The following ANKRD11 variants were observed in gnomAD, a reference collection of about 807,000 sequenced individuals.
ANKRD11 encodes the protein ankyrin repeat domain-containing protein 11.
In ANKRD11, 17 loss-of-function variants were observed where a neutral mutation model predicts 195.7. The observed-to-expected ratio is 0.09, with a 90% CI of 0.06 to 0.13. The LOEUF is 0.13. Among genes scored for constraint, ANKRD11 ranks in the 10% least tolerant of loss-of-function variants. The probability of loss-of-function intolerance (pLI) is 1.00; values close to 1 mark genes in which losing one functional copy is unlikely to be tolerated. For synonymous variants in ANKRD11, 1,953 were observed against 1,528.1 expected, an observed-to-expected ratio of 1.28 and a Z score of -6.49; for missense variants, 3,735 against 3,566.1, an observed-to-expected ratio of 1.05 and a Z score of -1.21.
chr16:89,466,201 C>T (rs2056878860), intron 1 of ANKRD11, among the ~76,000 whole-genome samples: 1 of 152,062 alleles, frequency 6.6e-6, no homozygotes, highest in African/African-American at 2.4e-5. Flanking sequence ...GAGCCCCCAC[C>T]TGCTGACAGT....
rs564899186 is a variant in ANKRD11, at chr16:89,323,865, C to T, written c.-59-6787G>A. 6.5e-5 allele frequency: 14 copies of T among 216,666 alleles called. No individual in the cohort carries two copies. The East Asian group carries it at 1.4e-3, about 21-fold the overall frequency. The allele number at this position is 216,666 out of a possible 1,614,324, so 13.4% of individuals were successfully genotyped here. A position where few individuals can be genotyped will look rare whatever the true frequency, so the allele number is the denominator to read the frequency against. On this transcript the variant is annotated intron_variant, in intron 2 of 12. Transcript: ENST00000301030. Reference sequence around the variant, plus strand: ...AAGGACTCCTAACATGGGTGTCCTCCGTCTCACCCCATAAGCCACACTGGC... The same window carrying T: ...AAGGACTCCTAACATGGGTGTCCTCTGTCTCACCCCATAAGCCACACTGGC...
At chr16:89,324,396 T>C (rs2037566674) in intron 2 of ANKRD11, 1 of 570,190 alleles carries the variant, frequency 1.8e-6, no homozygotes, top group Non-Finnish European at 3.0e-6. Flanking sequence ...AGTTCTCAGC[T>C]TCGTTAGTCA....
intron 1 of ANKRD11, among the ~76,000 whole-genome samples, chr16:89,430,543 C>G (rs1325202689): frequency 6.6e-6 from 1 of 152,020 alleles, no homozygotes; most frequent in Non-Finnish European, 1.5e-5. Flanking sequence ...CTCAGACGTT[C>G]TAGTACACAG....
chr16:89,304,653 C>A (rs1238410376), intron 4 of ANKRD11, among the ~76,000 whole-genome samples: 7 of 151,750 alleles, frequency 4.6e-5, no homozygotes, highest in South Asian at 2.1e-4. Context: ...CACACAGATA[C>A]ACGGGCATGT....
At chr16:89,286,691 A>G (rs1043918423) in intron 7 of ANKRD11, 7 of 1,247,968 alleles carry the variant, frequency 5.6e-6, no homozygotes, top group Admixed American at 2.8e-5. Flanking sequence ...TTTTATTTTC[A>G]TTTACATTAG....
intron 2 of ANKRD11, among the ~76,000 whole-genome samples, chr16:89,413,792 G>T (rs1432211464): frequency 1.3e-5 from 2 of 152,146 alleles, no homozygotes; most frequent in East Asian, 3.8e-4. Context: ...GAGGGTGCCA[G>T]GGAGACTCTG....
At chr16:89,275,012 C>G in intron 10 of ANKRD11, 55 bp from the exon 11 acceptor site, 2 of 1,612,076 alleles carry the variant, frequency 1.2e-6, no homozygotes, top group Non-Finnish European at 1.7e-6. Context: ...CCAGGCCCCA[C>G]TGTCAACACG....
intron 2 of ANKRD11, among the ~76,000 whole-genome samples, chr16:89,405,300 A>G (rs1047944075): frequency 2.0e-5 from 3 of 152,174 alleles, no homozygotes; most frequent in African/African-American, 7.2e-5. Flanking sequence ...TGTAGGGCAC[A>G]TTTGCAAAAC....
At chr16:89,338,929 G>A (rs190790485) in intron 2 of ANKRD11, among the ~76,000 whole-genome samples, 39 of 152,122 alleles carry the variant, frequency 2.6e-4, no homozygotes, top group African/African-American at 8.7e-4. Flanking sequence ...ATATAAATGC[G>A]TAATTTAAAC....
chr16:89,417,685 C>T (rs1248301705), intron 2 of ANKRD11, among the ~76,000 whole-genome samples: 1 of 152,160 alleles, frequency 6.6e-6, no homozygotes, highest in African/African-American at 2.4e-5. Flanking sequence ...CCCAGAAGCA[C>T]AGGACAGCCC....
intron 2 of ANKRD11, among the ~76,000 whole-genome samples, chr16:89,351,635 C>T (rs1227715439): frequency 1.3e-5 from 2 of 152,222 alleles, no homozygotes; most frequent in African/African-American, 4.8e-5. Flanking sequence ...GCACTGCAGA[C>T]ATAGGCCCTG....
chr16:89,443,641 A>G (rs2152299750), intron 1 of ANKRD11, among the ~76,000 whole-genome samples: 1 of 152,318 alleles, frequency 6.6e-6, no homozygotes, highest in South Asian at 2.1e-4. Context: ...CCGCACCCAG[A>G]AGGCTACCAG....
At position 89,418,330 on chromosome 16, in the gene ANKRD11, T is replaced by C. The variant is rs1242653603; in HGVS notation, c.-106A>G. ...GTGCTGACGAGGACTGTCTTTTAAA[T>C]CCAATGGAGGTGTGTCCCAGAGCAG... On this transcript the variant is annotated 5_prime_UTR_variant, in exon 2 of 13. Transcript: ENST00000301030. The C allele has an allele frequency of 1.1e-5, 5 of 453,864 alleles. No individual in the cohort carries two copies. The highest frequency in any genetic ancestry group is 1.8e-5 in the Non-Finnish European group (4 of 226,694). 28.1% of individuals were successfully genotyped at this position (453,864 alleles called of 1,614,324 possible).
intron 1 of ANKRD11, among the ~76,000 whole-genome samples, chr16:89,454,791 G>A (rs1169156205): frequency 9.8e-5 from 8 of 81,882 alleles, no homozygotes; most frequent in Non-Finnish European, 2.1e-4. Context: ...TGCTTCTAGG[G>A]TTCCTCAAGC....
chr16:89,476,086 C>T (rs1416123865), intron 1 of ANKRD11, among the ~76,000 whole-genome samples: 2 of 151,352 alleles, frequency 1.3e-5, no homozygotes, highest in African/African-American at 2.4e-5. Context: ...AACAACTGAG[C>T]CAAACAATGG....
At chr16:89,414,393 G>A (rs758802639) in intron 2 of ANKRD11, among the ~76,000 whole-genome samples, 3 of 152,134 alleles carry the variant, frequency 2.0e-5, no homozygotes, top group Non-Finnish European at 4.4e-5. Flanking sequence ...ACACTCACTG[G>A]GAACCGCGTG....
chr16:89,385,701 C>T (rs956314212), intron 2 of ANKRD11, among the ~76,000 whole-genome samples: 3 of 152,268 alleles, frequency 2.0e-5, no homozygotes, highest in Non-Finnish European at 4.4e-5. Context: ...CAGTCCATCA[C>T]GTACAGTCTG....
chr16:89,370,995 G>A (rs1398638787), intron 2 of ANKRD11, among the ~76,000 whole-genome samples: 1 of 152,152 alleles, frequency 6.6e-6, no homozygotes, highest in Non-Finnish European at 1.5e-5. Flanking sequence ...CCTTGCTTGA[G>A]CTCTCCTAGT....
chr16:89,362,398 G>GA (rs780105347), intron 2 of ANKRD11, among the ~76,000 whole-genome samples: 4 of 152,152 alleles, frequency 2.6e-5, no homozygotes, highest in South Asian at 2.1e-4. Flanking sequence ...GAGAGTGCAC[G>GA]AAAGTTCCAT....
Sources: gnomAD v4.1 joint callset for allele counts (sites outside exome capture counted in the v4.1 genomes callset) on GRCh38, gnomAD v4.1.1 for gene constraint, MANE v1.5 for transcripts, NCBI Gene and HGNC (gene_info 2026-07-23, HGNC 2026-07-21) for gene names.